The following MARCHF11 variants were observed in gnomAD, a reference collection of about 807,000 sequenced individuals.
The protein encoded by MARCHF11 is E3 ubiquitin-protein ligase MARCHF11.
Under a neutral mutation model 37.3 loss-of-function variants are expected in MARCHF11, and 29 were observed. That is an observed-to-expected ratio of 0.78 (90% CI 0.58 to 1.06). MARCHF11 has a LOEUF of 1.06. Ranked by LOEUF, MARCHF11 falls within the 50% of genes least tolerant of loss-of-function variation. The pLI, the probability that MARCHF11 is intolerant of heterozygous loss-of-function variation, is 0.00. For synonymous variants in MARCHF11, 233 were observed against 228.0 expected, an observed-to-expected ratio of 1.02 and a Z score of -0.20; for missense variants, 482 against 533.4, an observed-to-expected ratio of 0.90 and a Z score of 0.95.
chr5:16,138,844 C>G (rs1225593782), intron 2 of MARCHF11, among the ~76,000 whole-genome samples: 1 of 152,100 alleles, frequency 6.6e-6, no homozygotes, highest in Non-Finnish European at 1.5e-5. Flanking sequence ...TTCCATGGGG[C>G]CTGCAACCTC....
chr5:16,125,619 C>CTCTGTG (rs1271371912), intron 2 of MARCHF11, among the ~76,000 whole-genome samples: 11 of 142,364 alleles, frequency 7.7e-5, no homozygotes, highest in African/African-American at 2.8e-4. Flanking sequence ...GGCACACTCT[C>CTCTGTG]TGTGTGTGTG....
Position 16,177,891 on chromosome 5 carries a change from A to G in MARCHF11, c.538-10T>C. On this transcript the variant is annotated splice_polypyrimidine_tract_variant and intron_variant, in intron 1 of 3. Transcript: ENST00000332432. ...GGTTCAACAACTCACCCTAAAAAGA[A>G]AACAGCTCAGTGTGAATATCTGTGT... The G allele has an allele frequency of 6.2e-7, 1 of 1,603,064 alleles. No homozygotes were observed. Among genetic ancestry groups the G allele is most frequent in the Non-Finnish European group, 8.5e-7 (1 of 1,175,780 alleles).
chr5:16,174,949 C>T (rs1298534360), intron 2 of MARCHF11, among the ~76,000 whole-genome samples: 10 of 152,178 alleles, frequency 6.6e-5, no homozygotes, highest in Admixed American at 3.3e-4. Context: ...TGGTGAACCA[C>T]GTCACTTCCA....
Position 16,179,452 on chromosome 5 carries a change from CCGGGGCCGGCTCTCCCGG to C in MARCHF11, c.106_123del (p.Pro36_Pro41del). 4 of 1,116,168 alleles carry C rather than the reference CCGGGGCCGGCTCTCCCGG, an allele frequency of 3.6e-6. No homozygotes were observed. The highest frequency in any genetic ancestry group is 4.4e-6 in the Non-Finnish European group (4 of 915,300). The allele number at this position is 1,116,168 out of a possible 1,614,324, so 69.1% of individuals were successfully genotyped here. A position where few individuals can be genotyped will look rare whatever the true frequency, so the allele number is the denominator to read the frequency against. On this transcript the variant is annotated inframe_deletion, in exon 1 of 4. Transcript: ENST00000332432. ...GGCAGGTAGCGCGGGGCCGCGGGGA[CCGGGGCCGGCTCTCCCGG>C]CGGCGGCGTCGGCGGCGGCGGCGGG...
chr5:16,121,967 G>A (rs940783046), intron 2 of MARCHF11, among the ~76,000 whole-genome samples: 1 of 152,150 alleles, frequency 6.6e-6, no homozygotes, highest in African/African-American at 2.4e-5. Flanking sequence ...GTGCTATTAT[G>A]ATGCTCTTTT....
intron 2 of MARCHF11, among the ~76,000 whole-genome samples, chr5:16,118,707 A>G (rs1737261186): frequency 1.3e-5 from 2 of 152,188 alleles, no homozygotes; most frequent in African/African-American, 4.8e-5. Flanking sequence ...GAGAGGAATC[A>G]GGAAAGCAAG....
At chr5:16,081,886 A>G (rs57424086) in intron 3 of MARCHF11, among the ~76,000 whole-genome samples, 4,130 of 152,286 alleles carry the variant, frequency 0.027, 173 homozygotes, top group African/African-American at 0.094. Flanking sequence ...CATTCCATGC[A>G]CAGCACTAAG....
chr5:16,107,856 G>C (rs1297509161), intron 2 of MARCHF11, among the ~76,000 whole-genome samples: 1 of 150,342 alleles, frequency 6.7e-6, no homozygotes, highest in African/African-American at 2.4e-5. Flanking sequence ...GGTCAGAGAG[G>C]AGTTCGGCCG....
chr5:16,141,321 A>T (rs922330239), intron 2 of MARCHF11: 1 of 152,202 alleles, frequency 6.6e-6, no homozygotes, highest in Non-Finnish European at 1.5e-5. Flanking sequence ...CAGTAAAGAG[A>T]AGCTGTCCTC....
intron 3 of MARCHF11, among the ~76,000 whole-genome samples, chr5:16,089,724 T>G (rs1417831194): frequency 6.6e-6 from 1 of 152,240 alleles, no homozygotes; most frequent in Non-Finnish European, 1.5e-5. Context: ...AGGCATTAAG[T>G]TGAAGTGATC....
intron 2 of MARCHF11, among the ~76,000 whole-genome samples, chr5:16,162,276 C>T (rs556651757): frequency 6.6e-6 from 1 of 151,940 alleles, no homozygotes; most frequent in South Asian, 2.1e-4. Flanking sequence ...CTCACTAGAA[C>T]ATGCTAGATA....
chr5:16,168,623 T>C (rs1177950962), intron 2 of MARCHF11, among the ~76,000 whole-genome samples: 1 of 152,118 alleles, frequency 6.6e-6, no homozygotes, highest in Non-Finnish European at 1.5e-5. Context: ...GAGAATGCCA[T>C]GCAGGCAAAG....
intron 2 of MARCHF11, among the ~76,000 whole-genome samples, chr5:16,162,970 G>C (rs1465014810): frequency 1.3e-5 from 2 of 152,014 alleles, no homozygotes; most frequent in African/African-American, 2.4e-5. Context: ...AGCTGAGTAA[G>C]TGGCTGAGCT....
At chr5:16,068,201 G>A (rs1186334426) in intron 3 of MARCHF11, among the ~76,000 whole-genome samples, 2 of 152,178 alleles carry the variant, frequency 1.3e-5, no homozygotes, top group Non-Finnish European at 2.9e-5. Flanking sequence ...GTTTGAGAAA[G>A]AGACAGATGT....
chr5:16,127,665 T>C (rs753279280), intron 2 of MARCHF11, among the ~76,000 whole-genome samples: 7 of 152,206 alleles, frequency 4.6e-5, no homozygotes, highest in Non-Finnish European at 8.8e-5. Flanking sequence ...GTCCTAACTG[T>C]AGTGAGGCAT....
chr5:16,103,077 C>G lies in MARCHF11; in HGVS notation c.694-11996G>C, dbSNP rs528230940. ...TCAGATGTCTGGTACATGCCAGACC[C>G]TACAGAAGTCACCATGAGATCACTG... On this transcript the variant is annotated intron_variant, in intron 2 of 3. Coordinates refer to ENST00000332432, the MANE Select transcript of MARCHF11 (RefSeq NM_001102562.3). Among the ~76,000 whole-genome samples, 6 of 148,866 alleles carry G rather than the reference C, an allele frequency of 4.0e-5. No individual in the cohort carries two copies. The South Asian group carries it at 1.3e-3, about 33-fold the overall frequency.
intron 3 of MARCHF11, among the ~76,000 whole-genome samples, chr5:16,087,807 G>T (rs557379294): frequency 6.6e-6 from 1 of 152,262 alleles, no homozygotes; most frequent in South Asian, 2.1e-4. Flanking sequence ...CTAGGAATAA[G>T]TAAATAAATT....
Position 16,177,886 on chromosome 5 carries a change from A to G in MARCHF11, c.538-5T>C, listed in dbSNP as rs1339142218. Reference sequence around the variant, plus strand: ...GCAGGGGTTCAACAACTCACCCTAAAAAGAAAACAGCTCAGTGTGAATATC... The same window carrying G: ...GCAGGGGTTCAACAACTCACCCTAAGAAGAAAACAGCTCAGTGTGAATATC... On this transcript the variant is annotated splice_region_variant and splice_polypyrimidine_tract_variant and intron_variant, in intron 1 of 3. Coordinates refer to ENST00000332432, the MANE Select transcript of MARCHF11 (RefSeq NM_001102562.3). 3 of 1,604,586 alleles carry G rather than the reference A, an allele frequency of 1.9e-6. No homozygotes were observed. Among genetic ancestry groups the G allele is most frequent in the Admixed American group, 3.5e-5 (2 of 57,944 alleles).
Position 16,096,566 on chromosome 5 carries a change from A to C in MARCHF11, c.694-5485T>G, listed in dbSNP as rs74598871. 8.3e-3 allele frequency among the ~76,000 whole-genome samples: 1,268 copies of C among 152,230 alleles called. 14 individuals are homozygous for C. The highest frequency in any genetic ancestry group is 0.029 in the African/African-American group (1,198 of 41,550). ...ATTCTCCATGAGAAATTAGAAAAGC[A>C]CTCCAATAATTTCCACAGATTGCTG... On this transcript the variant is annotated intron_variant, in intron 2 of 3. Coordinates refer to ENST00000332432, the MANE Select transcript of MARCHF11 (RefSeq NM_001102562.3).
Sources: allele counts gnomAD v4.1 joint callset (sites outside exome capture counted in the v4.1 genomes callset), GRCh38; gene constraint gnomAD v4.1.1; transcripts MANE v1.5; gene names NCBI Gene and HGNC (gene_info 2026-07-23, HGNC 2026-07-21).